The following SEPTIN9 variants were observed in gnomAD, a reference collection of about 807,000 sequenced individuals.
SEPTIN9 encodes the protein septin-9.
SEPTIN9 carries 13 observed loss-of-function variants against 56.6 expected under a neutral mutation model. The observed-to-expected ratio is 0.23, with a 90% confidence interval of 0.15 to 0.37. The LOEUF is 0.37. Ranked by LOEUF, SEPTIN9 falls within the 10% of genes least tolerant of loss-of-function variation. The probability of loss-of-function intolerance (pLI) is 1.00; values close to 1 mark genes in which losing one functional copy is unlikely to be tolerated. For missense variants in SEPTIN9, 650 were observed against 823.1 expected, an observed-to-expected ratio of 0.79 and a Z score of 2.57; for synonymous variants, 332 against 334.1, an observed-to-expected ratio of 0.99 and a Z score of 0.07.
At chr17:77,416,324 G>A (rs2036506858) in intron 3 of SEPTIN9, among the ~76,000 whole-genome samples, 4 of 152,284 alleles carry the variant, frequency 2.6e-5, no homozygotes, top group East Asian at 3.9e-4. Context: ...AACGGCACCC[G>A]GTATGGGATG....
At chr17:77,401,089 G>A (rs1319800712) in intron 2 of SEPTIN9, among the ~76,000 whole-genome samples, 1 of 152,190 alleles carries the variant, frequency 6.6e-6, no homozygotes. Flanking sequence ...GGACAACCAA[G>A]TGGTTAGAAC....
chr17:77,377,969 T>C (rs2034992347), intron 2 of SEPTIN9, among the ~76,000 whole-genome samples: 3 of 152,214 alleles, frequency 2.0e-5, no homozygotes, highest in African/African-American at 7.2e-5. Flanking sequence ...AGCACTGACT[T>C]GATGCTCTTT....
intron 2 of SEPTIN9, among the ~76,000 whole-genome samples, chr17:77,378,046 C>T (rs892295252): frequency 2.6e-5 from 4 of 152,094 alleles, no homozygotes; most frequent in Admixed American, 6.5e-5. Flanking sequence ...TAGAGGGGGG[C>T]GGACACAGCA....
chr17:77,317,026 C>T lies in SEPTIN9; in HGVS notation c.76+9829C>T, dbSNP rs7223230. Among the ~76,000 whole-genome samples, 6,181 of 152,280 alleles carry T rather than the reference C, an allele frequency of 0.041. 330 individuals carry two copies. The highest frequency in any genetic ancestry group is 0.23 in the East Asian group (1,179 of 5,184). ...AGAAACCTCTGCGATTCCTGCCCAT[C>T]GGAGTCAGTGGTTGTTAGTGGTTGG... On this transcript the variant is annotated intron_variant, in intron 2 of 11. Transcript: ENST00000427177. This position sits in a 1 kb window ranked among gnomAD's most constrained non-coding sequence, Gnocchi z 4.2.
intron 1 of SEPTIN9, among the ~76,000 whole-genome samples, chr17:77,300,298 A>G (rs1250093572): frequency 2.0e-5 from 3 of 151,978 alleles, no homozygotes; most frequent in South Asian, 4.2e-4. Context: ...TGTAGGAGCA[A>G]GTTCCTAAGG....
chr17:77,370,753 T>G (rs1020964561), intron 2 of SEPTIN9, among the ~76,000 whole-genome samples: 1 of 152,188 alleles, frequency 6.6e-6, no homozygotes, highest in African/African-American at 2.4e-5. Context: ...GGACTGTGTG[T>G]CCAGGCCCTG....
rs1197812686 is a variant in SEPTIN9, at chr17:77,293,346, A to T, written c.19+11792A>T. Reference sequence around the variant, plus strand: ...TTTTTGTATTTTTTGTGTGTGTGTAAAGACAAGGTCTTACTATGTTGCCCA... The same window carrying T: ...TTTTTGTATTTTTTGTGTGTGTGTATAGACAAGGTCTTACTATGTTGCCCA... On this transcript the variant is annotated intron_variant, in intron 1 of 11. Transcript: ENST00000427177. Among the ~76,000 whole-genome samples, 3 of 151,910 alleles carry T rather than the reference A, an allele frequency of 2.0e-5. No homozygotes were observed. The East Asian group carries it at 5.8e-4, about 29-fold the overall frequency.
chr17:77,430,510 T>C (rs1304655402), intron 3 of SEPTIN9, among the ~76,000 whole-genome samples: 2 of 152,074 alleles, frequency 1.3e-5, no homozygotes, highest in East Asian at 3.9e-4. Context: ...AGTGACCTCA[T>C]AGCAAGGGCC....
In SEPTIN9 at chr17:77,313,100, G is replaced by A. The variant is rs2032568673; in HGVS notation, c.76+5903G>A. On this transcript the variant is annotated intron_variant, in intron 2 of 11. Transcript: ENST00000427177. This position sits in a 1 kb window ranked among gnomAD's most constrained non-coding sequence, Gnocchi z 4.5. ...AGCAGGATGAAAGACACCCGCTCTC[G>A]GGGGAGTCTTCCGTTGGCTGCAGAG... Among the ~76,000 whole-genome samples the A allele has an allele frequency of 6.6e-6, 1 of 152,234 alleles. No homozygotes were observed.
chr17:77,394,856 C>T (rs1172400444), intron 2 of SEPTIN9, among the ~76,000 whole-genome samples: 2 of 152,190 alleles, frequency 1.3e-5, no homozygotes, highest in South Asian at 2.1e-4. Context: ...GTTTCGACCC[C>T]GCCATGGGCC....
At chr17:77,416,013 A>G (rs2036494511) in intron 3 of SEPTIN9, among the ~76,000 whole-genome samples, 1 of 152,248 alleles carries the variant, frequency 6.6e-6, no homozygotes, top group African/African-American at 2.4e-5. Context: ...CAATATCGAA[A>G]TGATGCATAG....
At chr17:77,373,531 G>A (rs1476572211) in intron 2 of SEPTIN9, 1 of 1,545,664 alleles carries the variant, frequency 6.5e-7, no homozygotes, top group African/African-American at 1.4e-5. Context: ...GCAGCTGGAT[G>A]GGATCATTTC....
chr17:77,309,100 A>T (rs1455961014), intron 2 of SEPTIN9, among the ~76,000 whole-genome samples: 1 of 152,052 alleles, frequency 6.6e-6, no homozygotes, highest in African/African-American at 2.4e-5. Flanking sequence ...CTTCCCTCTC[A>T]TTGGCCAGCT....
At chr17:77,409,778 C>T (rs1403828261) in intron 3 of SEPTIN9, among the ~76,000 whole-genome samples, 3 of 152,228 alleles carry the variant, frequency 2.0e-5, no homozygotes, top group Non-Finnish European at 2.9e-5. Flanking sequence ...TCCGGAGGGG[C>T]GCGCCGCGGC....
At chr17:77,368,315 G>GT (rs141081064) in intron 2 of SEPTIN9, among the ~76,000 whole-genome samples, 27,054 of 143,324 alleles carry the variant, frequency 0.19, 2,854 homozygotes, top group East Asian at 0.37. Context: ...TTTTGTTTTT[G>GT]TTTTTTTTTT....
In SEPTIN9 at chr17:77,498,608, G is replaced by A. The variant is rs773416606; in HGVS notation, c.1711G>A (p.Ala571Thr). The A allele has an allele frequency of 1.7e-5, 28 of 1,610,334 alleles. 1 individual carries two copies. The highest frequency in any genetic ancestry group is 4.4e-5 in the South Asian group (4 of 90,418). ...RVKRLNEGSS[A>T]MANGMEEKEP... ...GAAGCGCCTCAACGAGGGCAGCAGC[G>A]CCATGGCCAACGGCATGGAGGAGAA... is the stretch of plus-strand genomic sequence containing the variant. The change falls in exon 12 of 12, where the codon GCC becomes ACC. Residue 571 changes from alanine to threonine, a missense_variant. Physicochemically the swap from Ala to Thr is moderately conservative, Grantham distance 58 (BLOSUM62 0). Around this residue, in one of 2 missense-constraint regions of SEPTIN9, gnomAD observed 333 missense variants for 494.0 expected, o/e 0.67. Coordinates refer to ENST00000427177, the MANE Select transcript of SEPTIN9 (RefSeq NM_001113491.2).
chr17:77,426,895 C>T (rs999602122), intron 3 of SEPTIN9: 3 of 152,206 alleles, frequency 2.0e-5, no homozygotes, highest in African/African-American at 7.2e-5. Flanking sequence ...AGGAGGGAAG[C>T]CTCTGTCCAA....
At chr17:77,379,559 G>T (rs2143956508) in intron 2 of SEPTIN9, among the ~76,000 whole-genome samples, 1 of 152,240 alleles carries the variant, frequency 6.6e-6, no homozygotes, top group African/African-American at 2.4e-5. Context: ...CAGAACTAGG[G>T]TCTCCTCCTC....
chr17:77,432,622 A>G (rs1033389213), intron 3 of SEPTIN9, among the ~76,000 whole-genome samples: 2 of 152,226 alleles, frequency 1.3e-5, no homozygotes, highest in Admixed American at 6.5e-5. Context: ...TGTTAGAGGA[A>G]GAGAGCGGGA....
Sources: allele counts gnomAD v4.1 joint callset (sites outside exome capture counted in the v4.1 genomes callset), GRCh38; gene constraint gnomAD v4.1.1; regional missense constraint gnomAD v4.1.1; non-coding constraint Gnocchi (gnomAD v3.1); transcripts MANE v1.5; gene names NCBI Gene and HGNC (gene_info 2026-07-23, HGNC 2026-07-21).